The following GALNTL6 variants were observed in gnomAD, a reference collection of about 807,000 sequenced individuals.
The protein encoded by GALNTL6 is polypeptide N-acetylgalactosaminyltransferase-like 6.
Under a neutral mutation model 73.7 loss-of-function variants are expected in GALNTL6, and 46 were observed. That is an observed-to-expected ratio of 0.62 (90% CI 0.49 to 0.80). GALNTL6 has a LOEUF of 0.80. Ranked by LOEUF, GALNTL6 falls within the 30% of genes least tolerant of loss-of-function variation. The pLI is 0.00. For missense variants in GALNTL6, 604 were observed against 755.0 expected (o/e 0.80, Z 2.34); for synonymous variants, 259 against 263.7 (o/e 0.98, Z 0.17).
At chr4:172,503,016 C>T (rs1317399564) in intron 5 of GALNTL6, among the ~76,000 whole-genome samples, 3 of 152,088 alleles carry the variant, frequency 2.0e-5, no homozygotes, top group African/African-American at 4.8e-5. Context: ...TTGCCACCTA[C>T]ATAAATGGAA....
At chr4:171,820,667 A>G in intron 2 of GALNTL6, among the ~76,000 whole-genome samples, 1 of 152,222 alleles carries the variant, frequency 6.6e-6, no homozygotes, top group Non-Finnish European at 1.5e-5. Context: ...CCATCTCTAG[A>G]AGTGCTTACA....
chr4:172,868,398 GA>G (rs1744765077), intron 7 of GALNTL6, among the ~76,000 whole-genome samples: 1 of 151,982 alleles, frequency 6.6e-6, no homozygotes, highest in African/African-American at 2.4e-5. Flanking sequence ...TTAGAGAGAT[GA>G]AAAAGGATAT....
At chr4:172,847,100 G>A (rs1410896684) in intron 7 of GALNTL6, among the ~76,000 whole-genome samples, 1 of 152,124 alleles carries the variant, frequency 6.6e-6, no homozygotes, top group African/African-American at 2.4e-5. Flanking sequence ...ATAAAAAAGC[G>A]ATTACATTTT....
intron 2 of GALNTL6, among the ~76,000 whole-genome samples, chr4:172,169,141 C>T (rs571983227): frequency 2.6e-5 from 4 of 152,264 alleles, no homozygotes; most frequent in Non-Finnish European, 4.4e-5. Flanking sequence ...GTTGACTTGT[C>T]GTGTAGGACT....
intron 5 of GALNTL6, among the ~76,000 whole-genome samples, chr4:172,717,330 C>T (rs926968665): frequency 1.3e-5 from 2 of 152,214 alleles, no homozygotes; most frequent in African/African-American, 4.8e-5. Flanking sequence ...ATGAGGAAAG[C>T]TATATTTGCT....
intron 2 of GALNTL6, among the ~76,000 whole-genome samples, chr4:172,105,155 T>G (rs1186361035): frequency 2.0e-5 from 3 of 151,796 alleles, no homozygotes; most frequent in Non-Finnish European, 2.9e-5. Context: ...AATAACAAAT[T>G]TATAAAAACA....
chr4:171,814,920 A>T (rs961648364), intron 2 of GALNTL6: 93 of 601,542 alleles, frequency 1.5e-4, no homozygotes, highest in African/African-American at 1.5e-3. Context: ...GACATGTACA[A>T]CTAGTAAAGA....
intron 5 of GALNTL6, among the ~76,000 whole-genome samples, chr4:172,351,199 C>T (rs1257001819): frequency 4.0e-5 from 6 of 151,870 alleles, no homozygotes; most frequent in Non-Finnish European, 2.9e-5. Context: ...ATCTATCTAT[C>T]TATCTATCTA....
chr4:172,539,269 C>T (rs1012526240), intron 5 of GALNTL6, among the ~76,000 whole-genome samples: 9 of 152,166 alleles, frequency 5.9e-5, no homozygotes, highest in South Asian at 2.1e-4. Flanking sequence ...GCGTTGTGAT[C>T]ACTTAGAAGA....
intron 5 of GALNTL6, among the ~76,000 whole-genome samples, chr4:172,569,196 G>A (rs1736673351): frequency 6.6e-6 from 1 of 152,304 alleles, no homozygotes; most frequent in Admixed American, 6.5e-5. Context: ...GGAAATCTAA[G>A]ACCAAGGTGC....
At chr4:172,213,197 C>T (rs1256933791) in intron 2 of GALNTL6, among the ~76,000 whole-genome samples, 1 of 152,020 alleles carries the variant, frequency 6.6e-6, no homozygotes, top group East Asian at 1.9e-4. Flanking sequence ...TATTGAAGGA[C>T]ATCTTAGTTG....
rs1418264354 is a variant in GALNTL6, at chr4:172,435,951, C to T, written c.553+87262C>T. 3.3e-5 allele frequency among the ~76,000 whole-genome samples: 5 copies of T among 152,150 alleles called. No homozygotes were observed. In the East Asian group the frequency reaches 9.7e-4, roughly 29 times the overall value. On this transcript the variant is annotated intron_variant, in intron 5 of 12. Coordinates refer to ENST00000506823, the MANE Select transcript of GALNTL6 (RefSeq NM_001034845.3). ...TGAGGATTATCCTTCCATCCTTTCA[C>T]GTGTGAAATTGAAGGTTTCCTTTTG...
intron 5 of GALNTL6, among the ~76,000 whole-genome samples, chr4:172,363,112 T>A (rs1159398901): frequency 6.6e-6 from 1 of 152,188 alleles, no homozygotes; most frequent in Non-Finnish European, 1.5e-5. Context: ...GTTCTCTAGT[T>A]CATCTTTCTC....
chr4:172,479,759 A>G (rs1219994831), intron 5 of GALNTL6, among the ~76,000 whole-genome samples: 1 of 152,192 alleles, frequency 6.6e-6, no homozygotes, highest in Non-Finnish European at 1.5e-5. Flanking sequence ...TCGATGACCC[A>G]CTTTAACAAA....
chr4:171,997,764 T>C (rs556326940), intron 2 of GALNTL6, among the ~76,000 whole-genome samples: 2 of 152,076 alleles, frequency 1.3e-5, no homozygotes, highest in East Asian at 3.9e-4. Flanking sequence ...AGAGGGGTAG[T>C]TGTTGGGAGT....
chr4:172,486,363 T>G (rs337989), intron 5 of GALNTL6, among the ~76,000 whole-genome samples: 16,071 of 152,192 alleles, frequency 0.11, 943 homozygotes, highest in East Asian at 0.23. Context: ...GATAATTTAT[T>G]AAGCTTCCTA....
chr4:172,251,560 G>T (rs1737872274), intron 3 of GALNTL6, among the ~76,000 whole-genome samples: 1 of 152,020 alleles, frequency 6.6e-6, no homozygotes, highest in Non-Finnish European at 1.5e-5. Context: ...CCCTACATCT[G>T]GTCCTGAGAG....
chr4:172,126,747 G>A (rs758677914), intron 2 of GALNTL6, among the ~76,000 whole-genome samples: 1 of 152,156 alleles, frequency 6.6e-6, no homozygotes, highest in Non-Finnish European at 1.5e-5. Context: ...CACAATCTCA[G>A]CCCAAAGCAG....
intron 5 of GALNTL6, among the ~76,000 whole-genome samples, chr4:172,479,056 C>A (rs758070359): frequency 3.0e-4 from 45 of 152,258 alleles, no homozygotes; most frequent in Non-Finnish European, 5.3e-4. Flanking sequence ...TACCTATACA[C>A]TGCTGGTGGG....
Sources: gnomAD v4.1 joint callset for allele counts (sites outside exome capture counted in the v4.1 genomes callset) on GRCh38, gnomAD v4.1.1 for gene constraint, MANE v1.5 for transcripts, NCBI Gene and HGNC (gene_info 2026-07-23, HGNC 2026-07-21) for gene names.